The following MAP3K2 variants were observed in gnomAD, a reference collection of about 807,000 sequenced individuals.
MAP3K2 encodes the protein MAP/ERK kinase kinase 2.
In MAP3K2, 24 loss-of-function variants were observed where a neutral mutation model predicts 80.3. That is an observed-to-expected ratio of 0.30 (90% CI 0.22 to 0.42). The LOEUF is 0.42. MAP3K2 is among the 10% of genes least tolerant of loss of function. The pLI is 1.00. For missense variants in MAP3K2, 608 were observed against 750.1 expected, an observed-to-expected ratio of 0.81 and a Z score of 2.21; for synonymous variants, 244 against 253.7, an observed-to-expected ratio of 0.96 and a Z score of 0.36.
In MAP3K2 at chr2:127,387,966, G is replaced by A; in HGVS notation, c.-580C>T. 1 of 984,514 alleles carries A rather than the reference G, an allele frequency of 1.0e-6. No homozygotes were observed. Among genetic ancestry groups the A allele is most frequent in the Non-Finnish European group, 1.2e-6 (1 of 829,660 alleles). The allele number at this position is 984,514 out of a possible 1,614,324, so 61.0% of individuals were successfully genotyped here. A position where few individuals can be genotyped will look rare whatever the true frequency, so the allele number is the denominator to read the frequency against. ...GGCAGCCCGGCAGCCACTACACACG[G>A]ACCCGTGACGTCGGGCGTAGCGCGG... On this transcript the variant is annotated 5_prime_UTR_variant, in exon 1 of 17. Coordinates refer to ENST00000682094, the MANE Select transcript of MAP3K2 (RefSeq NM_001371910.2).
At chr2:127,353,516 T>C (rs62440135) in intron 1 of MAP3K2, among the ~76,000 whole-genome samples, 1 of 151,022 alleles carries the variant, frequency 6.6e-6, no homozygotes, top group Non-Finnish European at 1.5e-5. Context: ...CCGCCCCGTC[T>C]GGGAAGTGAG....
intron 1 of MAP3K2, among the ~76,000 whole-genome samples, chr2:127,360,814 T>C (rs1265063926): frequency 6.6e-6 from 1 of 152,216 alleles, no homozygotes; most frequent in African/African-American, 2.4e-5. Context: ...TCTGTCGTCA[T>C]TGGTTACATA....
intron 1 of MAP3K2, among the ~76,000 whole-genome samples, chr2:127,356,090 C>A (rs1208471916): frequency 2.0e-5 from 3 of 152,264 alleles, no homozygotes; most frequent in Middle Eastern, 6.8e-3. Flanking sequence ...CTATTTCCAT[C>A]AAATCTGTAG....
At chr2:127,365,117 A>C (rs1266171539) in intron 1 of MAP3K2, among the ~76,000 whole-genome samples, 3 of 26,648 alleles carry the variant, frequency 1.1e-4, no homozygotes, top group Admixed American at 6.5e-4. Context: ...ACTCTGCCTC[A>C]AAAAAAAAAA....
intron 1 of MAP3K2, among the ~76,000 whole-genome samples, chr2:127,361,825 T>C (rs980001392): frequency 6.6e-6 from 1 of 152,252 alleles, no homozygotes; most frequent in Non-Finnish European, 1.5e-5. Context: ...GTTCAAAACC[T>C]AGCGGTAGTT....
chr2:127,368,290 C>A (rs2104883206), intron 1 of MAP3K2, among the ~76,000 whole-genome samples: 1 of 151,558 alleles, frequency 6.6e-6, no homozygotes, highest in African/African-American at 2.4e-5. Context: ...CCACTGCACT[C>A]CAGCCTGGGT....
chr2:127,306,847 C>CGTGT lies in MAP3K2; in HGVS notation c.*728_*731dup, dbSNP rs58705764. The CGTGT allele has an allele frequency of 4.0e-3, 607 of 150,558 alleles. 4 individuals carry two copies. The highest frequency in any genetic ancestry group is 6.4e-3 in the African/African-American group (263 of 40,900). The allele number at this position is 150,558 out of a possible 1,614,324, so 9.3% of individuals were successfully genotyped here. A position where few individuals can be genotyped will look rare whatever the true frequency, so the allele number is the denominator to read the frequency against. The stretch of plus-strand genomic sequence containing the variant: ...ACTTGACTTTAAAATAAAGGTTTTC[C>CGTGT]GTGTGTGTGTGTGTGTGTGTGTGTG... On this transcript the variant is annotated 3_prime_UTR_variant, in exon 17 of 17. Transcript: ENST00000682094. The surrounding 1 kb of genome is among the most constrained non-coding windows in gnomAD (Gnocchi z 4.7).
intron 7 of MAP3K2, among the ~76,000 whole-genome samples, chr2:127,328,583 T>C (rs1211932179): frequency 6.6e-6 from 1 of 152,214 alleles, no homozygotes; most frequent in Non-Finnish European, 1.5e-5. Context: ...TTTAAAACTA[T>C]ATCGAAATAT....
chr2:127,303,085 A>AAAAT lies in MAP3K2; in HGVS notation c.*4490_*4493dup, dbSNP rs1685628938. On this transcript the variant is annotated 3_prime_UTR_variant, in exon 17 of 17. Coordinates refer to ENST00000682094, the MANE Select transcript of MAP3K2 (RefSeq NM_001371910.2). ...GGCATACAGAGAAAAGGCACTACTA[A>AAAAT]AAATTAACAATTGGATTGCTTTTCA... 3.3e-5 allele frequency: 5 copies of AAAAT among 152,118 alleles called. No homozygotes were observed. The allele number at this position is 152,118 out of a possible 1,614,324, so 9.4% of individuals were successfully genotyped here. A position where few individuals can be genotyped will look rare whatever the true frequency, so the allele number is the denominator to read the frequency against.
chr2:127,360,327 A>T (rs1368727451), intron 1 of MAP3K2, among the ~76,000 whole-genome samples: 1 of 152,116 alleles, frequency 6.6e-6, no homozygotes, highest in Non-Finnish European at 1.5e-5. Flanking sequence ...ATTCTAGAAA[A>T]GGTAAACTAA....
intron 1 of MAP3K2, among the ~76,000 whole-genome samples, chr2:127,346,514 C>G (rs1045250613): frequency 4.7e-5 from 7 of 149,530 alleles, no homozygotes; most frequent in African/African-American, 1.7e-4. Context: ...GATGAGAAAA[C>G]TAAAGATCAA....
At chr2:127,357,838 T>C (rs1376673497) in intron 1 of MAP3K2, among the ~76,000 whole-genome samples, 1 of 152,124 alleles carries the variant, frequency 6.6e-6, no homozygotes, top group Non-Finnish European at 1.5e-5. Context: ...TAAACCTACA[T>C]ATAAGGACTA....
chr2:127,349,694 A>C (rs1015044427), intron 1 of MAP3K2, among the ~76,000 whole-genome samples: 1 of 152,142 alleles, frequency 6.6e-6, no homozygotes, highest in Non-Finnish European at 1.5e-5. Context: ...TTTCTTACTC[A>C]AGTAAACTTT....
At chr2:127,379,013 G>A (rs1322872242) in intron 1 of MAP3K2, among the ~76,000 whole-genome samples, 1 of 140,446 alleles carries the variant, frequency 7.1e-6, no homozygotes, top group Non-Finnish European at 1.5e-5. Context: ...GGAGAGACAG[G>A]GTTTCCTCAT....
chr2:127,319,229 G>A (rs1275561831), intron 12 of MAP3K2, among the ~76,000 whole-genome samples: 17 of 107,826 alleles, frequency 1.6e-4, no homozygotes, highest in African/African-American at 2.0e-4. Flanking sequence ...CTAGGGGAAT[G>A]CAAAAGAAAA....
chr2:127,316,233 GT>G (rs1685900368), intron 14 of MAP3K2, among the ~76,000 whole-genome samples: 1 of 152,114 alleles, frequency 6.6e-6, no homozygotes, highest in Non-Finnish European at 1.5e-5. Flanking sequence ...AATTAGCTGG[GT>G]GTGGTGGCAT....
At chr2:127,317,825 A>G (rs902545796) in intron 13 of MAP3K2, 65 bp from the exon 14 acceptor site, 17 of 1,428,280 alleles carry the variant, frequency 1.2e-5, no homozygotes, top group Non-Finnish European at 1.4e-5. Context: ...TTCTAACTTC[A>G]TGGACCATCA....
At chr2:127,366,706 A>G (rs1444347795) in intron 1 of MAP3K2, among the ~76,000 whole-genome samples, 1 of 151,610 alleles carries the variant, frequency 6.6e-6, no homozygotes, top group East Asian at 1.9e-4. Flanking sequence ...AAAGATCTTC[A>G]CCCCACTCCC....
chr2:127,335,720 T>C (rs1686354028), intron 5 of MAP3K2, 150 bp downstream of exon 5: 3 of 488,040 alleles, frequency 6.1e-6, no homozygotes, highest in Non-Finnish European at 1.1e-5. Flanking sequence ...AAATCCATTT[T>C]AGTCAGTTAA....
Sources: gnomAD v4.1 joint callset for allele counts (sites outside exome capture counted in the v4.1 genomes callset) on GRCh38, gnomAD v4.1.1 for gene constraint, Gnocchi (gnomAD v3.1) non-coding constraint, MANE v1.5 for transcripts, NCBI Gene and HGNC (gene_info 2026-07-23, HGNC 2026-07-21) for gene names.